The following BSX variants were observed in gnomAD, a reference collection of about 807,000 sequenced individuals.
The protein encoded by BSX is brain-specific homeobox protein homolog.
BSX carries 12 observed loss-of-function variants against 16.9 expected under a neutral mutation model. The ratio of observed to expected loss-of-function variants is 0.71; its 90% confidence interval spans 0.46 to 1.15. BSX has a LOEUF of 1.15. Ranked by LOEUF, BSX falls within the 50% of genes most tolerant of loss-of-function variation. BSX has a pLI of 0.00. For missense variants in BSX, 292 were observed against 311.8 expected (o/e 0.94, Z 0.48); for synonymous variants, 160 against 136.4 (o/e 1.17, Z -1.20).
Position 122,981,468 on chromosome 11 carries a change from G to T in BSX, c.204C>A (p.His68Gln), listed in dbSNP as rs372663917. Reference sequence around the variant, plus strand: ...CTCCCTTATGCAGAGGGTGATGGGCGTGAGGAGCCAAGAGGGTGGGTGTGG... The same window carrying T: ...CTCCCTTATGCAGAGGGTGATGGGCTTGAGGAGCCAAGAGGGTGGGTGTGG... Reference protein sequence around the residue: ...LMPTPTLLAPHAHHPLHKGDH... With the variant: ...LMPTPTLLAPQAHHPLHKGDH... The change falls in exon 1 of 3, where the codon CAC (histidine) becomes CAA (glutamine). Residue 68 changes from histidine to glutamine, a missense_variant. Physicochemically the swap from His to Gln is conservative, Grantham distance 24 (BLOSUM62 0). Transcript: ENST00000343035. The T allele has an allele frequency of 1.8e-5, 28 of 1,576,088 alleles. No homozygotes were observed. The South Asian group carries it at 3.1e-4, about 18-fold the overall frequency.
intron 1 of BSX, among the ~76,000 whole-genome samples, chr11:122,979,987 C>T (rs1224753741): frequency 2.0e-5 from 3 of 152,074 alleles, no homozygotes; most frequent in Non-Finnish European, 4.4e-5. Context: ...TTTCCCAAGC[C>T]ACCCCTATCC....
chr11:122,980,012 G>C (rs1864549831), intron 1 of BSX, among the ~76,000 whole-genome samples: 1 of 152,098 alleles, frequency 6.6e-6, no homozygotes, highest in South Asian at 2.1e-4. Context: ...GCAGCCAAAG[G>C]GAGAGCAAAA....
chr11:122,981,270 C>G, intron 1 of BSX, 140 bp downstream of exon 1: 1 of 792,024 alleles, frequency 1.3e-6, no homozygotes, highest in East Asian at 2.8e-5. Flanking sequence ...TATCCTCAGC[C>G]TTCCACTGTC....
chr11:122,980,652 C>T (rs963901558), intron 1 of BSX, among the ~76,000 whole-genome samples: 6 of 152,152 alleles, frequency 3.9e-5, no homozygotes, highest in South Asian at 2.1e-4. Context: ...AGAAAAAAAT[C>T]GGAGTATTTC....
rs747036542 is a variant in BSX at position 122,977,924 on chromosome 11, C to T, written c.460-33G>A. The T allele has an allele frequency of 6.2e-7, 1 of 1,609,784 alleles. No individual in the cohort carries two copies. The highest frequency in any genetic ancestry group is 8.5e-7 in the Non-Finnish European group (1 of 1,179,796). ...CGGGGAGATAAAAATAAAATCATGT[C>T]ATTCCTCCAAATCTGAGCCATCGCT... On this transcript the variant is annotated intron_variant, in intron 2 of 2. Coordinates refer to ENST00000343035, the MANE Select transcript of BSX (RefSeq NM_001098169.2). The surrounding 1 kb of genome is among the most constrained non-coding windows in gnomAD (Gnocchi z 4.5).
intron 1 of BSX, among the ~76,000 whole-genome samples, chr11:122,980,545 C>A (rs1864557133): frequency 6.6e-6 from 1 of 152,148 alleles, no homozygotes; most frequent in South Asian, 2.1e-4. Context: ...TTGTTGCCGC[C>A]TCTGAGCTAT....
Position 122,981,789 on chromosome 11 carries a change from C to G in BSX, c.-118G>C. The G allele has an allele frequency of 2.7e-6, 3 of 1,108,816 alleles. No homozygotes were observed. Among genetic ancestry groups the G allele is most frequent in the Non-Finnish European group, 3.8e-6 (3 of 795,994 alleles). The allele number at this position is 1,108,816 out of a possible 1,614,324, so 68.7% of individuals were successfully genotyped here. A position where few individuals can be genotyped will look rare whatever the true frequency, so the allele number is the denominator to read the frequency against. Reference sequence around the variant, plus strand: ...CTCCGAGGCTCGAATCTCCGCTGCTCTCTCCCGGGCCTGGGCTACCCCGGG... The same window carrying G: ...CTCCGAGGCTCGAATCTCCGCTGCTGTCTCCCGGGCCTGGGCTACCCCGGG... On this transcript the variant is annotated 5_prime_UTR_variant, in exon 1 of 3. Coordinates refer to ENST00000343035, the MANE Select transcript of BSX (RefSeq NM_001098169.2).
intron 1 of BSX, among the ~76,000 whole-genome samples, chr11:122,980,967 C>A (rs1864561189): frequency 6.6e-6 from 1 of 152,092 alleles, no homozygotes; most frequent in Non-Finnish European, 1.5e-5. Flanking sequence ...AGAGATCTGG[C>A]CTGGACAGAG....
In BSX at chr11:122,977,865, C is replaced by A; in HGVS notation, c.486G>T (p.Arg162=). Residue 162 remains arginine, a synonymous_variant, in exon 3 of 3, where the codon CGG becomes CGT. Transcript: ENST00000343035. The surrounding 1 kb of genome is among the most constrained non-coding windows in gnomAD (Gnocchi z 4.5). Reference sequence around the variant, plus strand: ...TCCGCAGTTGCTTTTTATGCTTCATCCGCCGGTTCTGGAACCACGTTTTCA... The same window carrying A: ...TCCGCAGTTGCTTTTTATGCTTCATACGCCGGTTCTGGAACCACGTTTTCA... ...TQVKTWFQNR[R]MKHKKQLRKS... is the part of the protein sequence containing the mutation. 3 of 1,613,874 alleles carry A rather than the reference C, an allele frequency of 1.9e-6. No homozygotes were observed. The highest frequency in any genetic ancestry group is 2.5e-6 in the Non-Finnish European group (3 of 1,179,960).
rs1864519742 is a variant in BSX, at chr11:122,978,019, T to A, written c.460-128A>T. ...GAGCGGTGATAGCCTCAACTGCTCA[T>A]AAGTTATCGCCTTAAGCCGAATGAG... On this transcript the variant is annotated intron_variant, in intron 2 of 2. Transcript: ENST00000343035. 47 of 1,118,376 alleles carry A rather than the reference T, an allele frequency of 4.2e-5. No individual in the cohort carries two copies. The South Asian group carries it at 5.9e-4, about 14-fold the overall frequency. 69.3% of individuals were successfully genotyped at this position (1,118,376 alleles called of 1,614,324 possible).
Position 122,978,038 on chromosome 11 carries a change from G to A in BSX, c.460-147C>T, listed in dbSNP as rs1024543139. ...TGCTCATAAGTTATCGCCTTAAGCC[G>A]AATGAGAATCGAACAGTCTGAGGCT... is the stretch of plus-strand genomic sequence containing the variant. On this transcript the variant is annotated intron_variant, in intron 2 of 2. Coordinates refer to ENST00000343035, the MANE Select transcript of BSX (RefSeq NM_001098169.2). 5 of 938,432 alleles carry A rather than the reference G, an allele frequency of 5.3e-6. No homozygotes were observed. The African/African-American group carries it at 6.6e-5, about 12-fold the overall frequency. 58.1% of individuals were successfully genotyped at this position (938,432 alleles called of 1,614,324 possible).
At position 122,981,704 on chromosome 11, in the gene BSX, C is replaced by G. The variant is rs1312805524; in HGVS notation, c.-33G>C. ...GGAGCACCTGCCACAGGACAAGGGC[C>G]GGGACGAAGTGGAGGACGCAGGCAG... On this transcript the variant is annotated 5_prime_UTR_variant, in exon 1 of 3. Coordinates refer to ENST00000343035, the MANE Select transcript of BSX (RefSeq NM_001098169.2). 4 of 1,554,370 alleles carry G rather than the reference C, an allele frequency of 2.6e-6. No homozygotes were observed. Among genetic ancestry groups the G allele is most frequent in the East Asian group, 2.3e-5 (1 of 43,028 alleles).
rs1295711287 is a variant in BSX at position 122,977,755 on chromosome 11, T to A, written c.596A>T (p.Glu199Val). The A allele has an allele frequency of 6.2e-7, 1 of 1,611,686 alleles. No individual in the cohort carries two copies. The highest frequency in any genetic ancestry group is 8.5e-7 in the Non-Finnish European group (1 of 1,179,540). The change falls in exon 3 of 3, where the codon GAG becomes GTG. Residue 199 changes from glutamate to valine, a missense_variant. Glu to Val is a moderately radical substitution (Grantham distance 121). Around this residue, in one of 3 missense-constraint regions of BSX, gnomAD observed 107 missense variants for 97.1 expected, o/e 1.10. Coordinates refer to ENST00000343035, the MANE Select transcript of BSX (RefSeq NM_001098169.2). This position sits in a 1 kb window ranked among gnomAD's most constrained non-coding sequence, Gnocchi z 4.5. Reference protein sequence around the residue: ...PRGSEAATAAEARLSLPAGPF... With the variant: ...PRGSEAATAAVARLSLPAGPF... ...ACCGGCGGGCAGGCTCAGCCGAGCC[T>A]CGGCGGCGGTGGCGGCCTCTGAACC...
At position 122,981,453 on chromosome 11, in the gene BSX, C is replaced by T; in HGVS notation, c.219G>A (p.Leu73=). ...AAGGATGATGGTGGTCTCCCTTATG[C>T]AGAGGGTGATGGGCGTGAGGAGCCA... ...TLLAPHAHHP[L]HKGDHHHPYF... The change falls in exon 1 of 3, where the codon CTG becomes CTA. Residue 73 remains leucine, a synonymous_variant. Coordinates refer to ENST00000343035, the MANE Select transcript of BSX (RefSeq NM_001098169.2). 1 of 1,570,100 alleles carries T rather than the reference C, an allele frequency of 6.4e-7. No homozygotes were observed. The highest frequency in any genetic ancestry group is 8.6e-7 in the Non-Finnish European group (1 of 1,156,790).
At position 122,979,285 on chromosome 11, in the gene BSX, C is replaced by A; in HGVS notation, c.435G>T (p.Thr145=). The change falls in exon 2 of 3, where the codon ACG becomes ACT. Residue 145 remains threonine, a synonymous_variant. Transcript: ENST00000343035. ...CCTGCGTCTCGGACAGGCTGAGGGC[C>A]GTGGCCAGCTCCACTCGTTCTGGCG... ...LSTPERVELA[T]ALSLSETQVK... The A allele has an allele frequency of 3.7e-6, 6 of 1,613,756 alleles. No homozygotes were observed. The highest frequency in any genetic ancestry group is 5.1e-6 in the Non-Finnish European group (6 of 1,179,768).
chr11:122,979,745 C>A (rs1208138355), intron 1 of BSX, among the ~76,000 whole-genome samples: 2 of 152,092 alleles, frequency 1.3e-5, no homozygotes, highest in Non-Finnish European at 2.9e-5. Context: ...AAAATAGATC[C>A]GGAGGCTGTT....
chr11:122,979,740 A>G (rs1864545943), intron 1 of BSX, among the ~76,000 whole-genome samples: 1 of 152,222 alleles, frequency 6.6e-6, no homozygotes, highest in African/African-American at 2.4e-5. Flanking sequence ...ATCGGAAAAT[A>G]GATCCGGAGG....
rs1252407397 is a variant in BSX at position 122,978,808 on chromosome 11, T to C, written c.459+453A>G. 1.2e-3 allele frequency among the ~76,000 whole-genome samples: 151 copies of C among 129,450 alleles called. 2 individuals are homozygous for C. The highest frequency in any genetic ancestry group is 2.1e-3 in the Non-Finnish European group (131 of 60,958). The allele number at this position is 129,450 out of a possible 152,430, so 84.9% of individuals were successfully genotyped here. On this transcript the variant is annotated intron_variant, in intron 2 of 2. Transcript: ENST00000343035. ...TCTTTTTCTTTTCTTTTTTTTTTTT[T>C]TTTTTTTTTTTTTTTGAGACGGAGT...
Position 122,977,987 on chromosome 11 carries a change from T to C in BSX, c.460-96A>G. On this transcript the variant is annotated intron_variant, in intron 2 of 2. Coordinates refer to ENST00000343035, the MANE Select transcript of BSX (RefSeq NM_001098169.2). This position sits in a 1 kb window ranked among gnomAD's most constrained non-coding sequence, Gnocchi z 4.5. ...AATGGGCTGCAGTCCGTTGATGAAG[T>C]ATCCAAGAGCGGTGATAGCCTCAAC... is the stretch of plus-strand genomic sequence containing the variant. 3 of 1,471,340 alleles carry C rather than the reference T, an allele frequency of 2.0e-6. No individual in the cohort carries two copies. The highest frequency in any genetic ancestry group is 2.8e-6 in the Non-Finnish European group (3 of 1,069,862). 91.1% of individuals were successfully genotyped at this position (1,471,340 alleles called of 1,614,324 possible).
Sources: allele counts gnomAD v4.1 joint callset (sites outside exome capture counted in the v4.1 genomes callset), GRCh38; gene constraint gnomAD v4.1.1; regional missense constraint gnomAD v4.1.1; non-coding constraint Gnocchi (gnomAD v3.1); transcripts MANE v1.5; gene names NCBI Gene and HGNC (gene_info 2026-07-23, HGNC 2026-07-21).